Variants in SYNE2 observed in about 807,000 individuals in gnomAD.
SYNE2 encodes nesprin-2.
In SYNE2, 431 loss-of-function variants were observed where a neutral mutation model predicts 856.3. That is an observed-to-expected ratio of 0.50 (90% CI 0.47 to 0.55). SYNE2 has a LOEUF of 0.55. Among genes scored for constraint, SYNE2 ranks in the 20% least tolerant of loss-of-function variants. The pLI is 0.00. For synonymous variants in SYNE2, 2,923 were observed against 2,872.3 expected, an observed-to-expected ratio of 1.02 and a Z score of -0.56; for missense variants, 8,129 against 8,023.2, an observed-to-expected ratio of 1.01 and a Z score of -0.50.
intron 101 of SYNE2, 196 bp downstream of exon 101, chr14:64,209,141 G>A (rs1428840568): frequency 2.3e-6 from 2 of 870,806 alleles, no homozygotes; most frequent in East Asian, 5.3e-5. Flanking sequence ...CAGCTGTCCT[G>A]TGTGGGGTGT....
chr14:64,170,800 A>C (rs2098406952), intron 94 of SYNE2, among the ~76,000 whole-genome samples: 1 of 152,198 alleles, frequency 6.6e-6, no homozygotes, highest in African/African-American at 2.4e-5. Flanking sequence ...TAAATTGACC[A>C]TTAGTGTAGT....
intron 32 of SYNE2, among the ~76,000 whole-genome samples, chr14:64,014,045 T>C (rs2096868778): frequency 6.6e-6 from 1 of 152,078 alleles, no homozygotes; most frequent in Non-Finnish European, 1.5e-5. Flanking sequence ...GCCACTAATA[T>C]AGTCTCTATT....
At chr14:64,217,788 GAAGA>G (rs1436183060) in intron 108 of SYNE2, among the ~76,000 whole-genome samples, 1 of 152,120 alleles carries the variant, frequency 6.6e-6, no homozygotes, top group East Asian at 1.9e-4. Flanking sequence ...CATACAGACA[GAAGA>G]AAGACAAAGA....
chr14:63,908,153 G>GC (rs2095430847), intron 1 of SYNE2, among the ~76,000 whole-genome samples: 1 of 151,814 alleles, frequency 6.6e-6, no homozygotes. Context: ...GTTCCACGCC[G>GC]CCCCCTCCCC....
chr14:64,037,606 C>T (rs2097102532), intron 45 of SYNE2, among the ~76,000 whole-genome samples: 1 of 151,836 alleles, frequency 6.6e-6, no homozygotes, highest in African/African-American at 2.4e-5. Context: ...TTCCACAAAA[C>T]CGCCATTGTC....
intron 58 of SYNE2, 145 bp from the exon 59 acceptor site, chr14:64,089,429 C>G: frequency 1.0e-5 from 3 of 296,692 alleles, no homozygotes; most frequent in Non-Finnish European, 6.5e-6. Context: ...ATTTATTTAT[C>G]TATAGTGCTT....
At chr14:64,162,512 T>C in intron 88 of SYNE2, 1 of 560,900 alleles carries the variant, frequency 1.8e-6, no homozygotes, top group Non-Finnish European at 3.2e-6. Context: ...GTTCCAAGTC[T>C]GTGCTTTCTC....
intron 53 of SYNE2, 108 bp downstream of exon 53, chr14:64,074,244 G>A (rs2097438260): frequency 2.6e-6 from 3 of 1,141,264 alleles, no homozygotes; most frequent in Admixed American, 1.7e-5. Flanking sequence ...GGAGCGGTCT[G>A]GGGAGAGAGA....
intron 31 of SYNE2, among the ~76,000 whole-genome samples, chr14:64,009,623 A>G (rs1201331885): frequency 6.6e-6 from 1 of 151,356 alleles, no homozygotes; most frequent in Admixed American, 6.6e-5. Context: ...TGCCAGAGTT[A>G]TGTTAAAGGG....
At chr14:63,939,073 G>T (rs758947454) in intron 2 of SYNE2, among the ~76,000 whole-genome samples, 21 of 152,182 alleles carry the variant, frequency 1.4e-4, no homozygotes, top group Non-Finnish European at 2.6e-4. Context: ...TGGTGGCAAG[G>T]CCGTAAGCAT....
chr14:63,933,485 G>A (rs2153403089), intron 2 of SYNE2, among the ~76,000 whole-genome samples: 1 of 152,262 alleles, frequency 6.6e-6, no homozygotes, highest in African/African-American at 2.4e-5. Context: ...CAAACTCAGG[G>A]ATTAAATGTA....
chr14:64,136,655 C>T (rs75412858), intron 78 of SYNE2, among the ~76,000 whole-genome samples: 3,690 of 152,106 alleles, frequency 0.024, 159 homozygotes, highest in African/African-American at 0.084. Flanking sequence ...TTTTTCTTTC[C>T]GTGAAGTTGG....
intron 1 of SYNE2, among the ~76,000 whole-genome samples, chr14:63,788,328 C>T (rs1301671916): frequency 1.3e-5 from 2 of 152,054 alleles, no homozygotes; most frequent in African/African-American, 4.8e-5. Flanking sequence ...TGCAGCTGCA[C>T]CAGGGAGTTC....
intron 83 of SYNE2, 83 bp from the exon 84 acceptor site, chr14:64,145,985 T>C (rs905693238): frequency 2.2e-5 from 22 of 992,916 alleles, no homozygotes; most frequent in Non-Finnish European, 2.7e-5. Context: ...AGAAGCAAAA[T>C]TGTTTTTTAA....
At position 64,065,562 on chromosome 14, in the gene SYNE2, A is replaced by G. The variant is rs2097352539; in HGVS notation, c.10343A>G (p.Glu3448Gly). Reference protein sequence around the residue: ...CLLKIVSALWEKWLSLLEAAK... With the variant: ...CLLKIVSALWGKWLSLLEAAK... ...CTCAAGATTGTGTCGGCTCTGTGGGAGAAATGGCTGAGTTTGCTGGAAGCT... is the reference window on the plus strand; with the variant it reads ...CTCAAGATTGTGTCGGCTCTGTGGGGGAAATGGCTGAGTTTGCTGGAAGCT... The change falls in exon 51 of 116, where the codon GAG (glutamate) becomes GGG (glycine). Residue 3448 changes from glutamate to glycine, a missense_variant. Glu to Gly is a moderately conservative substitution (Grantham distance 98, BLOSUM62 -2). Transcript: ENST00000555002. 6.2e-7 allele frequency: 1 copy of G among 1,614,062 alleles called. No homozygotes were observed. Among genetic ancestry groups the G allele is most frequent in the African/African-American group, 1.3e-5 (1 of 74,916 alleles).
intron 1 of SYNE2, among the ~76,000 whole-genome samples, chr14:63,825,352 C>A (rs1889385275): frequency 6.6e-6 from 1 of 151,592 alleles, no homozygotes; most frequent in South Asian, 2.1e-4. Flanking sequence ...GTAAAAAAAC[C>A]TATTGTATCT....
At position 64,132,310 on chromosome 14, in the gene SYNE2, T is replaced by C; in HGVS notation, c.14386T>C (p.Tyr4796His). 2.5e-6 allele frequency: 4 copies of C among 1,614,136 alleles called. No homozygotes were observed. Among genetic ancestry groups the C allele is most frequent in the Non-Finnish European group, 3.4e-6 (4 of 1,180,044 alleles). Residue 4796 changes from tyrosine (Y) to histidine (H), a missense_variant, in exon 77 of 116, where the codon TAC (tyrosine) becomes CAC (histidine). Transcript: ENST00000555002. ...TGCTGACATGTTGTTGATCCAAGCA[T>C]ACTCTGCCAAAATACTTCCTTCTTT... Reference protein sequence around the residue: ...LVADMLLIQAYSAKILPSLLQ... With the variant: ...LVADMLLIQAHSAKILPSLLQ...
chr14:64,066,844 G>A (rs2097362149), intron 51 of SYNE2, among the ~76,000 whole-genome samples: 1 of 152,130 alleles, frequency 6.6e-6, no homozygotes, highest in Non-Finnish European at 1.5e-5. Context: ...GGAAACTGAA[G>A]CACTGATAGA....
intron 101 of SYNE2, 184 bp downstream of exon 101, chr14:64,209,129 C>T (rs1456689877): frequency 1.1e-6 from 1 of 916,084 alleles, no homozygotes; most frequent in Non-Finnish European, 1.7e-6. Context: ...AATGTCTCTC[C>T]CCAGCTGTCC....
Sources: allele counts gnomAD v4.1 joint callset (sites outside exome capture counted in the v4.1 genomes callset), GRCh38; gene constraint gnomAD v4.1.1; transcripts MANE v1.5; gene names NCBI Gene and HGNC (gene_info 2026-07-23, HGNC 2026-07-21).